The following KDM1A variants were observed in gnomAD, a reference collection of about 807,000 sequenced individuals.
The protein encoded by KDM1A is lysine-specific histone demethylase 1A.
A neutral mutation model predicts 109.4 loss-of-function variants in KDM1A; 49 were observed. That is an observed-to-expected ratio of 0.45 (90% CI 0.36 to 0.57). KDM1A has a LOEUF of 0.57. Among genes scored for constraint, KDM1A ranks in the 20% least tolerant of loss-of-function variants. KDM1A has a pLI of 0.00. For synonymous variants in KDM1A, 380 were observed against 415.4 expected, an observed-to-expected ratio of 0.91 and a Z score of 1.04; for missense variants, 668 against 1,116.6, an observed-to-expected ratio of 0.60 and a Z score of 5.73.
At chr1:23,034,621 T>C (rs1185620963) in intron 2 of KDM1A, among the ~76,000 whole-genome samples, 1 of 152,190 alleles carries the variant, frequency 6.6e-6, no homozygotes, top group African/African-American at 2.4e-5. Flanking sequence ...CATGGAAACA[T>C]GACTCCATTT....
chr1:23,019,542 C>T lies in KDM1A; in HGVS notation c.-55C>T, dbSNP rs1189889770. On this transcript the variant is annotated 5_prime_UTR_variant, in exon 1 of 21. Transcript: ENST00000400181. ...GAGGCGAGGCAAGGCTTTTCGGACCCACGGAGCGACAGAGCGAGCGGCCCC... is the reference window on the plus strand; with the variant it reads ...GAGGCGAGGCAAGGCTTTTCGGACCTACGGAGCGACAGAGCGAGCGGCCCC... 8 of 1,341,906 alleles carry T rather than the reference C, an allele frequency of 6.0e-6. No individual in the cohort carries two copies. Among genetic ancestry groups the T allele is most frequent in the Non-Finnish European group, 6.7e-6 (7 of 1,047,924 alleles). The allele number at this position is 1,341,906 out of a possible 1,614,324, so 83.1% of individuals were successfully genotyped here.
chr1:23,029,285 T>G (rs1641904451), intron 1 of KDM1A, among the ~76,000 whole-genome samples: 1 of 152,240 alleles, frequency 6.6e-6, no homozygotes, highest in Admixed American at 6.5e-5. Context: ...CCATGTTGTC[T>G]TTGCTTTTTT....
intron 1 of KDM1A, among the ~76,000 whole-genome samples, chr1:23,027,413 C>CTT (rs34416518): frequency 0.014 from 1,618 of 115,252 alleles, 43 homozygotes; most frequent in Middle Eastern, 0.039. Context: ...GTTTTGTTTG[C>CTT]TTTTTTTTTT....
At chr1:23,062,013 A>T (rs546578898) in intron 9 of KDM1A, among the ~76,000 whole-genome samples, 1 of 152,356 alleles carries the variant, frequency 6.6e-6, no homozygotes, top group South Asian at 2.1e-4. Context: ...CCACTAATTT[A>T]TGCTTATAAT....
At chr1:23,053,388 T>C (rs137944954) in intron 4 of KDM1A, among the ~76,000 whole-genome samples, 33 of 152,296 alleles carry the variant, frequency 2.2e-4, no homozygotes, top group Non-Finnish European at 4.4e-4. Context: ...TTTATTTATT[T>C]TTATTTTTAT....
intron 12 of KDM1A, among the ~76,000 whole-genome samples, chr1:23,070,900 A>C (rs1643299608): frequency 6.6e-6 from 1 of 152,094 alleles, no homozygotes; most frequent in Non-Finnish European, 1.5e-5. Context: ...GTGGAGATTA[A>C]ATTTATTTCA....
intron 15 of KDM1A, 147 bp downstream of exon 15, chr1:23,073,550 GT>G: frequency 1.7e-6 from 1 of 598,286 alleles, no homozygotes; most frequent in Non-Finnish European, 3.0e-6. Context: ...TAAGTGAACA[GT>G]TTATTGATTT....
Position 23,057,511 on chromosome 1 carries a change from T to C in KDM1A, c.1018T>C (p.Phe340Leu). Reference protein sequence around the residue: ...RDRVGGRVATFRKGNYVADLG... With the variant: ...RDRVGGRVATLRKGNYVADLG... ...TCGTGTGGGTGGACGAGTTGCCACATTTCGCAAAGGAAACTATGTAGCTGA... is the reference window on the plus strand; with the variant it reads ...TCGTGTGGGTGGACGAGTTGCCACACTTCGCAAAGGAAACTATGTAGCTGA... Residue 340 changes from phenylalanine (F) to leucine (L), a missense_variant, in exon 8 of 21, where the codon TTT becomes CTT. Phe to Leu is a conservative substitution (Grantham distance 22). This residue lies in a region of KDM1A where 53 missense variants were observed against 122.5 expected (regional missense o/e 0.43). Coordinates refer to ENST00000400181, the MANE Select transcript of KDM1A (RefSeq NM_001009999.3). The C allele has an allele frequency of 6.2e-7, 1 of 1,613,956 alleles. No individual in the cohort carries two copies. The highest frequency in any genetic ancestry group is 8.5e-7 in the Non-Finnish European group (1 of 1,179,894).
At chr1:23,031,942 C>T (rs1304433078) in intron 2 of KDM1A, among the ~76,000 whole-genome samples, 1 of 152,168 alleles carries the variant, frequency 6.6e-6, no homozygotes, top group Non-Finnish European at 1.5e-5. Context: ...GCAAATGTAG[C>T]TGCCTTTTTA....
intron 9 of KDM1A, among the ~76,000 whole-genome samples, chr1:23,065,083 G>A (rs1643123719): frequency 6.6e-6 from 1 of 152,164 alleles, no homozygotes; most frequent in Non-Finnish European, 1.5e-5. Flanking sequence ...CATTCGTTGA[G>A]TTTCTTTCTC....
At chr1:23,068,184 G>A (rs1459886876) in intron 10 of KDM1A, among the ~76,000 whole-genome samples, 1 of 152,154 alleles carries the variant, frequency 6.6e-6, no homozygotes, top group Non-Finnish European at 1.5e-5. Flanking sequence ...CTTTTCTAGT[G>A]TGTTGTTTGC....
chr1:23,083,361 G>A lies in KDM1A; in HGVS notation c.2628G>A (p.Met876Ile), dbSNP rs748733661. 7.8e-5 allele frequency: 125 copies of A among 1,611,338 alleles called. No individual in the cohort carries two copies. The highest frequency in any genetic ancestry group is 1.0e-4 in the Non-Finnish European group (123 of 1,178,516). The change falls in exon 21 of 21, where the codon ATG becomes ATA. Residue 876 changes from methionine to isoleucine, a missense_variant. By Grantham distance (10) the Met-to-Ile change is conservative (BLOSUM62 1). This residue lies in a region of KDM1A where 69 missense variants were observed against 99.6 expected (regional missense o/e 0.69). Coordinates refer to ENST00000400181, the MANE Select transcript of KDM1A (RefSeq NM_001009999.3). ...PGVPAQQSPS[M>I] ...TTCCTGCACAGCAGTCCCCAAGCAT[G>A]TGAGACAGATGCATTCTAAGGGAAG...
chr1:23,026,931 A>G (rs907444377), intron 1 of KDM1A, among the ~76,000 whole-genome samples: 4 of 152,170 alleles, frequency 2.6e-5, no homozygotes, highest in African/African-American at 7.2e-5. Flanking sequence ...GAGAGTCCCA[A>G]TCCTTTAGGT....
At chr1:23,023,399 A>C (rs1227180226) in intron 1 of KDM1A, among the ~76,000 whole-genome samples, 1 of 152,104 alleles carries the variant, frequency 6.6e-6, no homozygotes, top group Non-Finnish European at 1.5e-5. Flanking sequence ...ATATGGTGTG[A>C]GGTAGGGGTT....
intron 3 of KDM1A, among the ~76,000 whole-genome samples, chr1:23,050,011 C>T (rs763034296): frequency 1.1e-4 from 16 of 152,162 alleles, no homozygotes; most frequent in African/African-American, 1.4e-4. Context: ...TTGTGTTTTT[C>T]GCTCCACAGC....
chr1:23,077,527 A>G (rs2124539497), intron 16 of KDM1A, among the ~76,000 whole-genome samples, 167 bp downstream of exon 16: 1 of 152,326 alleles, frequency 6.6e-6, no homozygotes, highest in East Asian at 1.9e-4. Flanking sequence ...GGTGGTTCTA[A>G]CCCTATCATT....
chr1:23,074,710 C>A (rs1332337353), intron 15 of KDM1A, among the ~76,000 whole-genome samples: 4 of 152,118 alleles, frequency 2.6e-5, no homozygotes, highest in Admixed American at 1.3e-4. Context: ...GTCTATACTC[C>A]ATTTTGTGTT....
chr1:23,077,181 A>G, intron 15 of KDM1A, 47 bp from the exon 16 acceptor site: 1 of 1,587,328 alleles, frequency 6.3e-7, no homozygotes, highest in Non-Finnish European at 8.6e-7. Context: ...TGCAAATGAC[A>G]CAGATTAATA....
At chr1:23,076,655 G>A (rs476033) in intron 15 of KDM1A, among the ~76,000 whole-genome samples, 1,546 of 152,118 alleles carry the variant, frequency 0.01, 39 homozygotes, top group African/African-American at 0.035. Context: ...GGACTTAGTG[G>A]TATTGGACTG....
Sources: gnomAD v4.1 joint callset for allele counts (sites outside exome capture counted in the v4.1 genomes callset) on GRCh38, gnomAD v4.1.1 for gene constraint, gnomAD v4.1.1 regional missense constraint, MANE v1.5 for transcripts, NCBI Gene and HGNC (gene_info 2026-07-23, HGNC 2026-07-21) for gene names.